The following UIMC1 variants were observed in gnomAD, a reference collection of about 807,000 sequenced individuals.
UIMC1 encodes BRCA1-A complex subunit RAP80.
UIMC1 carries 42 observed loss-of-function variants against 84.9 expected under a neutral mutation model. The ratio of observed to expected loss-of-function variants is 0.49; its 90% confidence interval spans 0.39 to 0.64. The LOEUF (loss-of-function observed/expected upper bound fraction) is 0.64, where lower values mean the gene tolerates loss of function less well. Among genes scored for constraint, UIMC1 ranks in the 30% least tolerant of loss-of-function variants. The probability of loss-of-function intolerance (pLI) is 0.00; values close to 1 mark genes in which losing one functional copy is unlikely to be tolerated. For missense variants in UIMC1, 825 were observed against 847.6 expected (o/e 0.97, Z 0.33); for synonymous variants, 281 against 293.0 (o/e 0.96, Z 0.42).
chr5:177,004,442 A>G (rs150825261), intron 1 of UIMC1, among the ~76,000 whole-genome samples: 2 of 151,586 alleles, frequency 1.3e-5, no homozygotes, highest in African/African-American at 4.8e-5. Context: ...TTCAACTACT[A>G]TTTTTTTTTA....
At chr5:176,937,487 T>A (rs1475878487) in intron 10 of UIMC1, among the ~76,000 whole-genome samples, 10 of 152,102 alleles carry the variant, frequency 6.6e-5, no homozygotes, top group Admixed American at 6.6e-4. Context: ...AGCAAGACTC[T>A]GTCTCAAAAA....
intron 1 of UIMC1, among the ~76,000 whole-genome samples, chr5:176,987,947 C>T (rs183298257): frequency 3.3e-4 from 50 of 151,986 alleles, no homozygotes; most frequent in Admixed American, 2.8e-3. Flanking sequence ...CCAGGAAACA[C>T]GGCAAAACCC....
intron 1 of UIMC1, among the ~76,000 whole-genome samples, chr5:177,017,860 C>T (rs353470): frequency 0.43 from 64,305 of 151,200 alleles, 13,888 homozygotes; most frequent in East Asian, 0.47. Context: ...CCATGTTGCC[C>T]ATGATGGTCT....
chr5:176,958,776 C>A (rs1436407878), intron 6 of UIMC1, among the ~76,000 whole-genome samples: 1 of 152,190 alleles, frequency 6.6e-6, no homozygotes. Context: ...ATAGGGACTA[C>A]ATAAGGAAAG....
chr5:176,972,853 C>T (rs1011310148), intron 3 of UIMC1, among the ~76,000 whole-genome samples: 40 of 151,672 alleles, frequency 2.6e-4, no homozygotes, highest in African/African-American at 9.7e-4. Context: ...ATAAATTCTA[C>T]AGTCACTAAA....
intron 10 of UIMC1, among the ~76,000 whole-genome samples, chr5:176,933,441 T>C (rs541870443): frequency 4.6e-5 from 7 of 152,336 alleles, no homozygotes; most frequent in Non-Finnish European, 8.8e-5. Context: ...CATAAGCTAC[T>C]GGTAACTTTA....
rs200660148 is a variant in UIMC1 at position 176,983,224 on chromosome 5, G to GCCCTCT, written c.-8-607_-8-602dup. ...TTGTCTACTACTCATTAAAAATATA[G>GCCCTCT]CCCTCTCCCTCTCCCCCTCCCCCTC... On this transcript the variant is annotated intron_variant, in intron 1 of 14. Coordinates refer to ENST00000511320, the MANE Select transcript of UIMC1 (RefSeq NM_001199298.2). Among the ~76,000 whole-genome samples, 1,337 of 151,852 alleles carry GCCCTCT rather than the reference G, an allele frequency of 8.8e-3. 8 individuals carry two copies. The highest frequency in any genetic ancestry group is 0.024 in the South Asian group (116 of 4,794).
chr5:176,989,506 A>C (rs2149518947), intron 1 of UIMC1, among the ~76,000 whole-genome samples: 1 of 152,148 alleles, frequency 6.6e-6, no homozygotes, highest in Non-Finnish European at 1.5e-5. Context: ...TTAAAAATAC[A>C]AAAATTAGCT....
At chr5:176,926,669 T>C (rs1262389969) in intron 10 of UIMC1, among the ~76,000 whole-genome samples, 1 of 151,972 alleles carries the variant, frequency 6.6e-6, no homozygotes, top group African/African-American at 2.4e-5. Flanking sequence ...AAGAGATGCA[T>C]ACTAATTAAA....
At chr5:176,982,782 C>T (rs1027915698) in intron 1 of UIMC1, among the ~76,000 whole-genome samples, 159 bp from the exon 2 acceptor site, 10 of 152,210 alleles carry the variant, frequency 6.6e-5, no homozygotes, top group African/African-American at 1.7e-4. Context: ...TCACTGCAAC[C>T]GCTGCCTCCC....
intron 10 of UIMC1, among the ~76,000 whole-genome samples, chr5:176,916,013 A>C (rs1275150399): frequency 6.6e-6 from 1 of 152,152 alleles, no homozygotes; most frequent in Non-Finnish European, 1.5e-5. Flanking sequence ...ACTATACGGT[A>C]ATTCTATTAA....
At chr5:176,992,323 G>A (rs1233016076) in intron 1 of UIMC1, among the ~76,000 whole-genome samples, 3 of 152,038 alleles carry the variant, frequency 2.0e-5, no homozygotes, top group African/African-American at 7.2e-5. Context: ...ACCCAAAAGA[G>A]TGTAGAACTA....
chr5:176,916,968 C>A (rs1319333766), intron 10 of UIMC1, among the ~76,000 whole-genome samples: 1 of 152,146 alleles, frequency 6.6e-6, no homozygotes, highest in African/African-American at 2.4e-5. Context: ...ATTGTAAAGA[C>A]AATGATTCCT....
intron 9 of UIMC1, among the ~76,000 whole-genome samples, chr5:176,947,449 A>G (rs1173092472): frequency 6.6e-6 from 1 of 151,992 alleles, no homozygotes; most frequent in Non-Finnish European, 1.5e-5. Flanking sequence ...GCACCCATTA[A>G]CTCATCATTT....
intron 7 of UIMC1, among the ~76,000 whole-genome samples, chr5:176,956,390 G>A (rs1380917738): frequency 6.6e-6 from 1 of 152,174 alleles, no homozygotes; most frequent in Non-Finnish European, 1.5e-5. Context: ...CTCCATCTCA[G>A]CCTTCTGAAG....
In UIMC1 at chr5:176,968,979, G is replaced by A. The variant is rs1561846681; in HGVS notation, c.776C>T (p.Pro259Leu). ...GAGACCTTTGGCATCTGCTAGGGTA[G>A]GTAGACAGTGCCTAGATGTGTCCCC... ...GSGDTSRHCL[P>L]TLADAKGLQD... The change falls in exon 6 of 15, where the codon CCT becomes CTT. Residue 259 changes from proline (P) to leucine (L), a missense_variant. Transcript: ENST00000511320. 1.9e-6 allele frequency: 3 copies of A among 1,614,188 alleles called. No individual in the cohort carries two copies. The highest frequency in any genetic ancestry group is 1.7e-5 in the Admixed American group (1 of 60,028).
intron 10 of UIMC1, among the ~76,000 whole-genome samples, chr5:176,927,015 A>G (rs1310406601): frequency 6.6e-6 from 1 of 152,138 alleles, no homozygotes; most frequent in African/African-American, 2.4e-5. Context: ...GTTACTGCAT[A>G]AGCGCATACT....
In UIMC1 at chr5:176,925,603, T is replaced by C. The variant is rs112624136; in HGVS notation, c.1598-14214A>G. Among the ~76,000 whole-genome samples, 632 of 152,000 alleles carry C rather than the reference T, an allele frequency of 4.2e-3. 8 individuals carry two copies. The highest frequency in any genetic ancestry group is 0.014 in the African/African-American group (588 of 41,450). On this transcript the variant is annotated intron_variant, in intron 10 of 14. Coordinates refer to ENST00000511320, the MANE Select transcript of UIMC1 (RefSeq NM_001199298.2). ...CTGGTATATTCATATGCTAGAACAC[T>C]ACTCAGTAATAAAAAGGAATATAAC...
chr5:176,965,303 G>T (rs1417175408), intron 6 of UIMC1, among the ~76,000 whole-genome samples: 1 of 151,630 alleles, frequency 6.6e-6, no homozygotes, highest in East Asian at 1.9e-4. Flanking sequence ...GGCACCTGTA[G>T]TCCCAGCTAC....
Sources: allele counts gnomAD v4.1 joint callset (sites outside exome capture counted in the v4.1 genomes callset), GRCh38; gene constraint gnomAD v4.1.1; transcripts MANE v1.5; gene names NCBI Gene and HGNC (gene_info 2026-07-23, HGNC 2026-07-21).